Variants in DLG2 observed in about 807,000 individuals in gnomAD.
DLG2 encodes discs large MAGUK scaffold protein 2, also known as disks large homolog 2.
DLG2 carries 45 observed loss-of-function variants against 132.5 expected under a neutral mutation model. The observed-to-expected ratio is 0.34, with a 90% confidence interval of 0.27 to 0.44. DLG2 has a LOEUF of 0.44. Among genes scored for constraint, DLG2 ranks in the 20% least tolerant of loss-of-function variants. The probability of loss-of-function intolerance (pLI) is 1.00; values close to 1 mark genes in which losing one functional copy is unlikely to be tolerated. For synonymous variants in DLG2, 424 were observed against 419.6 expected (o/e 1.01, Z -0.13); for missense variants, 1,045 against 1,196.9 (o/e 0.87, Z 1.87).
chr11:84,918,033 C>G (rs950786529), intron 6 of DLG2, among the ~76,000 whole-genome samples: 1 of 152,122 alleles, frequency 6.6e-6, no homozygotes, highest in African/African-American at 2.4e-5. Flanking sequence ...TTATTAAAAG[C>G]ATCAATATGT....
chr11:84,991,370 A>C (rs1018550500), intron 6 of DLG2, among the ~76,000 whole-genome samples: 2 of 152,018 alleles, frequency 1.3e-5, no homozygotes, highest in East Asian at 1.9e-4. Context: ...TGAGCTGAGC[A>C]GGGTGGCACT....
chr11:83,738,308 T>C (rs1053515427), intron 18 of DLG2, among the ~76,000 whole-genome samples: 30 of 152,138 alleles, frequency 2.0e-4, no homozygotes, highest in Non-Finnish European at 2.8e-4. Flanking sequence ...CTTCTGGAGA[T>C]AATATGATGT....
chr11:84,872,999 A>G (rs1183380993), intron 6 of DLG2, among the ~76,000 whole-genome samples: 1 of 152,206 alleles, frequency 6.6e-6, no homozygotes, highest in Admixed American at 6.5e-5. Context: ...TGGAATTGTT[A>G]CATCTATTTC....
chr11:83,585,098 TG>T (rs1337436332), intron 19 of DLG2, among the ~76,000 whole-genome samples: 1 of 152,234 alleles, frequency 6.6e-6, no homozygotes, highest in African/African-American at 2.4e-5. Flanking sequence ...ATATTTGTAA[TG>T]TTATTACAAA....
At position 84,048,143 on chromosome 11, in the gene DLG2, T is replaced by A. The variant is rs368291401; in HGVS notation, c.919+11172A>T. On this transcript the variant is annotated intron_variant, in intron 11 of 27. Coordinates refer to ENST00000376104, the MANE Select transcript of DLG2 (RefSeq NM_001142699.3). Reference sequence around the variant, plus strand: ...GTGAATTTATCAAATATGGTGTCCTTCATTTAATAATAATAATAATAATAA... The same window carrying A: ...GTGAATTTATCAAATATGGTGTCCTACATTTAATAATAATAATAATAATAA... 3.8e-4 allele frequency among the ~76,000 whole-genome samples: 57 copies of A among 150,986 alleles called. No individual in the cohort carries two copies. In the East Asian group the frequency reaches 0.01, roughly 27 times the overall value.
In DLG2 at chr11:83,672,954, C is replaced by T. The variant is rs2077077292; in HGVS notation, c.1826-39629G>A. Among the ~76,000 whole-genome samples the T allele has an allele frequency of 5.3e-5, 8 of 151,992 alleles. No individual in the cohort carries two copies. In the South Asian group the frequency reaches 1.5e-3, roughly 28 times the overall value. ...GCACACACCTGTAGTCCTAGCTACTCGGGAGGCTGAGGCAGGAGAATCACT... is the reference window on the plus strand; with the variant it reads ...GCACACACCTGTAGTCCTAGCTACTTGGGAGGCTGAGGCAGGAGAATCACT... On this transcript the variant is annotated intron_variant, in intron 18 of 27. Coordinates refer to ENST00000376104, the MANE Select transcript of DLG2 (RefSeq NM_001142699.3).
intron 6 of DLG2, among the ~76,000 whole-genome samples, chr11:84,986,224 A>G (rs1365104390): frequency 6.6e-6 from 1 of 152,110 alleles, no homozygotes; most frequent in Non-Finnish European, 1.5e-5. Context: ...ATTCCTGGAA[A>G]CATACAACCT....
intron 22 of DLG2, among the ~76,000 whole-genome samples, chr11:83,476,683 T>C (rs1461896499): frequency 6.6e-6 from 1 of 152,132 alleles, no homozygotes; most frequent in Non-Finnish European, 1.5e-5. Context: ...AATGTCAGGC[T>C]TGGATTACAA....
intron 18 of DLG2, among the ~76,000 whole-genome samples, chr11:83,738,801 T>C (rs569900891): frequency 6.6e-6 from 1 of 152,280 alleles, no homozygotes; most frequent in South Asian, 2.1e-4. Context: ...TGCATGATGA[T>C]GGGTCCTTGT....
intron 4 of DLG2, among the ~76,000 whole-genome samples, chr11:85,174,333 G>A (rs764088927): frequency 2.6e-5 from 4 of 151,978 alleles, no homozygotes; most frequent in Non-Finnish European, 5.9e-5. Flanking sequence ...AAAACCACAC[G>A]ACTACATGGA....
Position 84,448,897 on chromosome 11 carries a change from T to C in DLG2, c.519+85673A>G, listed in dbSNP as rs537028669. ...TCTTTTGAATAATTTAATAGTTGTT[T>C]GCTTAATGAATGAACAAATGAATGA... On this transcript the variant is annotated intron_variant, in intron 7 of 27. Coordinates refer to ENST00000376104, the MANE Select transcript of DLG2 (RefSeq NM_001142699.3). Among the ~76,000 whole-genome samples the C allele has an allele frequency of 3.3e-5, 5 of 152,158 alleles. No individual in the cohort carries two copies. The East Asian group carries it at 5.8e-4, about 18-fold the overall frequency.
chr11:84,378,375 G>A (rs1346656397), intron 7 of DLG2, among the ~76,000 whole-genome samples: 1 of 152,034 alleles, frequency 6.6e-6, no homozygotes, highest in African/African-American at 2.4e-5. Context: ...CTAATTTGCT[G>A]GCACCTTGAT....
chr11:84,693,842 C>A (rs977499812), intron 6 of DLG2, among the ~76,000 whole-genome samples: 3 of 151,662 alleles, frequency 2.0e-5, no homozygotes, highest in African/African-American at 7.3e-5. Flanking sequence ...TTCTTCTTGA[C>A]TACTACTCAT....
At chr11:85,563,673 A>G (rs2077377503) in intron 3 of DLG2, among the ~76,000 whole-genome samples, 1 of 151,990 alleles carries the variant, frequency 6.6e-6, no homozygotes, top group Non-Finnish European at 1.5e-5. Context: ...TTATTGCTGG[A>G]TAATATTCCT....
At position 83,719,330 on chromosome 11, in the gene DLG2, T is replaced by C. The variant is rs377327768; in HGVS notation, c.1825+67360A>G. Among the ~76,000 whole-genome samples the C allele has an allele frequency of 1.3e-4, 20 of 152,286 alleles. No individual in the cohort carries two copies. In the East Asian group the frequency reaches 3.1e-3, roughly 24 times the overall value. Reference sequence around the variant, plus strand: ...CTATGTGACTTGAGTGTTTTGATCTTGAGAGATTTGAACATACCTCTGAGC... The same window carrying C: ...CTATGTGACTTGAGTGTTTTGATCTCGAGAGATTTGAACATACCTCTGAGC... On this transcript the variant is annotated intron_variant, in intron 18 of 27. Transcript: ENST00000376104.
intron 21 of DLG2, among the ~76,000 whole-genome samples, chr11:83,519,253 C>G (rs1282974966): frequency 6.6e-6 from 1 of 152,104 alleles, no homozygotes; most frequent in East Asian, 1.9e-4. Flanking sequence ...GCAGGTGCAA[C>G]TCCAAAATTT....
chr11:85,197,160 G>A (rs1193211100), intron 4 of DLG2, among the ~76,000 whole-genome samples: 1 of 152,094 alleles, frequency 6.6e-6, no homozygotes, highest in Non-Finnish European at 1.5e-5. Context: ...ATATAATTTG[G>A]CAGACCTTTC....
intron 8 of DLG2, among the ~76,000 whole-genome samples, chr11:84,191,999 G>A (rs1271514954): frequency 1.3e-5 from 2 of 151,978 alleles, no homozygotes; most frequent in Non-Finnish European, 2.9e-5. Flanking sequence ...ATAAAAGTGG[G>A]TCATTCTAAT....
chr11:83,739,528 C>G (rs1052995456), intron 18 of DLG2, among the ~76,000 whole-genome samples: 1 of 151,802 alleles, frequency 6.6e-6, no homozygotes, highest in Non-Finnish European at 1.5e-5. Context: ...GAAAAAATGA[C>G]CGAGAGATTT....
Sources: allele counts gnomAD v4.1 joint callset (sites outside exome capture counted in the v4.1 genomes callset), GRCh38; gene constraint gnomAD v4.1.1; transcripts MANE v1.5; gene names NCBI Gene and HGNC (gene_info 2026-07-23, HGNC 2026-07-21).